Variants in MALRD1 observed in about 807,000 individuals in gnomAD.
The protein encoded by MALRD1 is MAM and LDL receptor class A domain containing 1.
In MALRD1, 247 loss-of-function variants were observed where a neutral mutation model predicts 242.1. That is an observed-to-expected ratio of 1.02 (90% CI 0.92 to 1.13). The LOEUF is 1.13. Among genes scored for constraint, MALRD1 ranks in the 50% most tolerant of loss-of-function variants. The probability of loss-of-function intolerance (pLI) is 0.00; values close to 1 mark genes in which losing one functional copy is unlikely to be tolerated. For missense variants in MALRD1, 2,989 were observed against 2,533.1 expected, an observed-to-expected ratio of 1.18 and a Z score of -3.86; for synonymous variants, 995 against 866.6, an observed-to-expected ratio of 1.15 and a Z score of -2.60.
intron 26 of MALRD1, among the ~76,000 whole-genome samples, chr10:19,367,418 A>G (rs111526429): frequency 3.3e-5 from 5 of 152,060 alleles, no homozygotes; most frequent in Non-Finnish European, 5.9e-5. Flanking sequence ...CTTCAGTTCC[A>G]TCCATGTTGC....
At chr10:19,710,686 A>G (rs1419619266) in intron 38 of MALRD1, 1 of 152,168 alleles carries the variant, frequency 6.6e-6, no homozygotes, top group African/African-American at 2.4e-5. Flanking sequence ...TCCATATTCT[A>G]ATTATTTGGT....
intron 29 of MALRD1, among the ~76,000 whole-genome samples, chr10:19,468,123 T>TAC (rs1315273868): frequency 2.6e-5 from 4 of 152,022 alleles, no homozygotes; most frequent in Non-Finnish European, 5.9e-5. Flanking sequence ...AAAAAATCTA[T>TAC]TGTGCTTTGC....
intron 28 of MALRD1, among the ~76,000 whole-genome samples, chr10:19,413,291 C>A (rs1833358130): frequency 6.6e-6 from 1 of 152,016 alleles, no homozygotes; most frequent in Non-Finnish European, 1.5e-5. Context: ...TGTAAAGTGT[C>A]TTTAACTTTT....
chr10:19,292,037 G>A (rs1841454805), intron 21 of MALRD1, among the ~76,000 whole-genome samples: 1 of 143,266 alleles, frequency 7.0e-6, no homozygotes, highest in African/African-American at 2.6e-5. Flanking sequence ...AAGCCGAGAT[G>A]GTGCCACTGC....
chr10:19,195,240 G>A lies in MALRD1; in HGVS notation c.1952-8488G>A, dbSNP rs529859277. Among the ~76,000 whole-genome samples the A allele has an allele frequency of 3.3e-5, 5 of 152,288 alleles. No homozygotes were observed. In the South Asian group the frequency reaches 8.3e-4, roughly 25 times the overall value. On this transcript the variant is annotated intron_variant, in intron 14 of 39. Coordinates refer to ENST00000454679, the MANE Select transcript of MALRD1 (RefSeq NM_001142308.3). Reference sequence around the variant, plus strand: ...GGATTACTAAAAGCAATATTTGCAGGTAACCACATTTTCCATTTCCTGAAA... The same window carrying A: ...GGATTACTAAAAGCAATATTTGCAGATAACCACATTTTCCATTTCCTGAAA...
intron 21 of MALRD1, among the ~76,000 whole-genome samples, chr10:19,292,326 C>T (rs903147640): frequency 3.3e-5 from 5 of 152,054 alleles, no homozygotes; most frequent in African/African-American, 1.2e-4. Flanking sequence ...CAAAAACACA[C>T]ATACCAATCT....
intron 9 of MALRD1, among the ~76,000 whole-genome samples, chr10:19,134,185 C>T (rs1045241445): frequency 4.6e-5 from 7 of 152,088 alleles, no homozygotes; most frequent in Admixed American, 2.0e-4. Context: ...CCTCACTCTC[C>T]GCAGCCTTCC....
rs186529110 is a variant in MALRD1 at position 19,608,423 on chromosome 10, T to C, written c.6070+521T>C. Among the ~76,000 whole-genome samples the C allele has an allele frequency of 2.2e-3, 334 of 152,188 alleles. 1 individual carries two copies. Among genetic ancestry groups the C allele is most frequent in the African/African-American group, 7.5e-3 (310 of 41,556 alleles). On this transcript the variant is annotated intron_variant, in intron 35 of 39. Transcript: ENST00000454679. The stretch of plus-strand genomic sequence containing the variant: ...ATACAGCATAGGAACTGACAGTATA[T>C]ATCTGTCATTATACTTTTATCAAAA...
At chr10:19,251,095 T>A (rs1839275143) in intron 18 of MALRD1, among the ~76,000 whole-genome samples, 2 of 151,818 alleles carry the variant, frequency 1.3e-5, no homozygotes, top group Non-Finnish European at 2.9e-5. Flanking sequence ...GAGTATGAAA[T>A]GAGACATTTT....
chr10:19,621,703 A>G (rs1163548635), intron 36 of MALRD1, among the ~76,000 whole-genome samples: 4 of 151,958 alleles, frequency 2.6e-5, no homozygotes, highest in Non-Finnish European at 5.9e-5. Context: ...ATGAAAAGAG[A>G]CCTGAATTTA....
chr10:19,675,348 G>C lies in MALRD1; in HGVS notation c.6138-16934G>C, dbSNP rs950773466. Among the ~76,000 whole-genome samples the C allele has an allele frequency of 3.9e-5, 6 of 152,120 alleles. No homozygotes were observed. The East Asian group carries it at 1.2e-3, about 29-fold the overall frequency. ...CAATGACAAGCAGACAAGCAGTTCA[G>C]AGGCCGTGAATTTACTACTTACAAA... On this transcript the variant is annotated intron_variant, in intron 36 of 39. Transcript: ENST00000454679.
At chr10:19,449,543 CTA>C (rs61257015) in intron 28 of MALRD1, among the ~76,000 whole-genome samples, 10,158 of 152,064 alleles carry the variant, frequency 0.067, 1,068 homozygotes, top group African/African-American at 0.23. Flanking sequence ...GTGAGATAAA[CTA>C]TGTCATAGTT....
chr10:19,096,823 G>A (rs1034570801), intron 4 of MALRD1, among the ~76,000 whole-genome samples: 6 of 152,128 alleles, frequency 3.9e-5, no homozygotes, highest in South Asian at 4.1e-4. Flanking sequence ...CCAAATAGGC[G>A]ATTTCGGTCC....
intron 36 of MALRD1, among the ~76,000 whole-genome samples, chr10:19,634,725 G>A (rs1165138227): frequency 6.6e-6 from 1 of 152,126 alleles, no homozygotes; most frequent in Non-Finnish European, 1.5e-5. Context: ...CCTCAACGTG[G>A]TTGCACAGCT....
chr10:19,295,259 A>T (rs180704510), intron 21 of MALRD1, among the ~76,000 whole-genome samples: 1 of 151,648 alleles, frequency 6.6e-6, no homozygotes, highest in East Asian at 1.9e-4. Flanking sequence ...ATAAGTCTCA[A>T]TTACTCCTCA....
intron 28 of MALRD1, among the ~76,000 whole-genome samples, chr10:19,419,602 G>A (rs187242332): frequency 5.9e-5 from 9 of 152,164 alleles, no homozygotes; most frequent in Non-Finnish European, 1.2e-4. Context: ...TTACAGATGT[G>A]AGCCACCATG....
intron 36 of MALRD1, among the ~76,000 whole-genome samples, chr10:19,676,043 A>G (rs1397275064): frequency 2.0e-5 from 3 of 152,208 alleles, no homozygotes; most frequent in African/African-American, 7.2e-5. Context: ...CAATGAAAAC[A>G]GATGTCGTGG....
rs1844397012 is a variant in MALRD1, at chr10:19,351,997, T to C, written c.4150-9T>C. 6.5e-7 allele frequency: 1 copy of C among 1,535,070 alleles called. No individual in the cohort carries two copies. The highest frequency in any genetic ancestry group is 1.4e-5 in the African/African-American group (1 of 72,780). ...ATATCGTATGTAATATTCCTATTCT[T>C]GATTACAGATTATTTTTCATTATCA... is the stretch of plus-strand genomic sequence containing the variant. On this transcript the variant is annotated splice_polypyrimidine_tract_variant and intron_variant, in intron 25 of 39. Coordinates refer to ENST00000454679, the MANE Select transcript of MALRD1 (RefSeq NM_001142308.3).
rs541897467 is a variant in MALRD1, at chr10:19,501,881, A to G, written c.5320+3235A>G. ...ACCCCATCTCTACAAAAAATAAAAA[A>G]TTAGCCAGGTGTGGTAGAGTGCCTG... On this transcript the variant is annotated intron_variant, in intron 31 of 39. Coordinates refer to ENST00000454679, the MANE Select transcript of MALRD1 (RefSeq NM_001142308.3). Among the ~76,000 whole-genome samples the G allele has an allele frequency of 7.9e-5, 12 of 152,094 alleles. No homozygotes were observed. The East Asian group carries it at 1.4e-3, about 17-fold the overall frequency.
Sources: gnomAD v4.1 joint callset for allele counts (sites outside exome capture counted in the v4.1 genomes callset) on GRCh38, gnomAD v4.1.1 for gene constraint, MANE v1.5 for transcripts, NCBI Gene and HGNC (gene_info 2026-07-23, HGNC 2026-07-21) for gene names.